Variants in CEBPA observed in about 807,000 individuals in gnomAD.
The protein encoded by CEBPA is CCAAT/enhancer-binding protein alpha.
A neutral mutation model predicts 5.1 loss-of-function variants in CEBPA; 2 were observed. The observed-to-expected ratio is 0.39, with a 90% CI of 0.16 to 1.23. CEBPA has a LOEUF of 1.23. Among genes scored for constraint, CEBPA ranks in the 50% most tolerant of loss-of-function variants. The probability of loss-of-function intolerance (pLI) is 0.34; values close to 1 mark genes in which losing one functional copy is unlikely to be tolerated. For synonymous variants in CEBPA, 275 were observed against 264.1 expected (o/e 1.04, Z -0.40); for missense variants, 455 against 537.4 (o/e 0.85, Z 1.52).
rs1967168836 is a variant in CEBPA at position 33,301,630 on chromosome 19, T to A, written c.785A>T (p.Asp262Val). ...GCCGCTGCCGCCACTCGCGCGGAGGTCGGGGTGCGCGGCGCCCAGCCCCTT... is the reference window on the plus strand; with the variant it reads ...GCCGCTGCCGCCACTCGCGCGGAGGACGGGGTGCGCGGCGCCCAGCCCCTT... ...ALKGLGAAHP[D>V]LRASGGSGAG... Residue 262 changes from aspartate to valine, a missense_variant, in exon 1 of 1, where the codon GAC becomes GTC. Transcript: ENST00000498907. The surrounding 1 kb of genome is among the most constrained non-coding windows in gnomAD (Gnocchi z 6.0). 1 of 1,573,510 alleles carries A rather than the reference T, an allele frequency of 6.4e-7. No individual in the cohort carries two copies. The highest frequency in any genetic ancestry group is 1.1e-5 in the South Asian group (1 of 88,118).
Position 33,300,403 on chromosome 19 carries a change from A to G in CEBPA, c.*935T>C, listed in dbSNP as rs959922601. 4 of 233,398 alleles carry G rather than the reference A, an allele frequency of 1.7e-5. No individual in the cohort carries two copies. The highest frequency in any genetic ancestry group is 3.4e-5 in the Non-Finnish European group (4 of 117,976). 14.5% of individuals were successfully genotyped at this position (233,398 alleles called of 1,614,324 possible). A position where few individuals can be genotyped will look rare whatever the true frequency, so the allele number is the denominator to read the frequency against. On this transcript the variant is annotated 3_prime_UTR_variant, in exon 1 of 1. Coordinates refer to ENST00000498907, the MANE Select transcript of CEBPA (RefSeq NM_004364.5). The stretch of plus-strand genomic sequence containing the variant: ...TACAAGTGTTGATATCGGCTGATAA[A>G]GCAAAATATTTGGAAAGCTTGTCAT...
rs1600024079 is a variant in CEBPA at position 33,302,257 on chromosome 19, C to A, written c.158G>T (p.Gly53Val). 6.7e-7 allele frequency: 1 copy of A among 1,487,532 alleles called. No individual in the cohort carries two copies. The highest frequency in any genetic ancestry group is 9.0e-7 in the Non-Finnish European group (1 of 1,115,178). The allele number at this position is 1,487,532 out of a possible 1,614,324, so 92.1% of individuals were successfully genotyped here. The stretch of plus-strand genomic sequence containing the variant: ...GGACGTCTCGTGCTCGCAGATGCCG[C>A]CCAGCGGCTCCGGGGCGGCAGGTGG... ...PAPPAAPEPL[G>V]GICEHETSID... The change falls in exon 1 of 1, where the codon GGC (glycine) becomes GTC (valine). Residue 53 changes from glycine to valine, a missense_variant. Physicochemically the swap from Gly to Val is moderately radical, Grantham distance 109. Around this residue, in one of 5 missense-constraint regions of CEBPA, gnomAD observed 143 missense variants for 153.9 expected, o/e 0.93. Transcript: ENST00000498907.
In CEBPA at chr19:33,302,019, G is replaced by A. The variant is rs1060504475; in HGVS notation, c.396C>T (p.Gly132=). The A allele has an allele frequency of 2.1e-4, 244 of 1,180,774 alleles. No homozygotes were observed. The highest frequency in any genetic ancestry group is 2.5e-4 in the Non-Finnish European group (239 of 953,704). The allele number at this position is 1,180,774 out of a possible 1,614,324, so 73.1% of individuals were successfully genotyped here. The stretch of plus-strand genomic sequence containing the variant: ...CGTCCAGGTAGCCGGCGGCCGCGCA[G>A]CCGTAGCCGGGCGGGGGCCCGTGCG... ...GGAHGPPPGY[G]CAAAGYLDGR... Residue 132 remains glycine (G), a synonymous_variant, in exon 1 of 1, where the codon GGC becomes GGT. Transcript: ENST00000498907.
Position 33,302,488 on chromosome 19 carries a change from C to T in CEBPA, c.-74G>A, listed in dbSNP as rs936796797. 3.0e-6 allele frequency: 3 copies of T among 1,007,282 alleles called. No individual in the cohort carries two copies. Among genetic ancestry groups the T allele is most frequent in the Non-Finnish European group, 3.8e-6 (3 of 783,306 alleles). 62.4% of individuals were successfully genotyped at this position (1,007,282 alleles called of 1,614,324 possible). A position where few individuals can be genotyped will look rare whatever the true frequency, so the allele number is the denominator to read the frequency against. ...CTGCGCGGGGCGTCGCCGCCGCCCA[C>T]CCGGAGACCCTGCTCGCCCGCGCCC... On this transcript the variant is annotated 5_prime_UTR_variant, in exon 1 of 1. It adds an upstream start codon to the 5' untranslated region. Transcript: ENST00000498907.
At position 33,302,308 on chromosome 19, in the gene CEBPA, C is replaced by A. The variant is rs746522150; in HGVS notation, c.107G>T (p.Gly36Val). ...GGCGGGAGGCTGCGCGGGGCCCGCG[C>A]CCCGGGGAAAGCCGAAGGCGGCGCT... ...PSSAAFGFPR[G>V]AGPAQPPAPP... The change falls in exon 1 of 1, where the codon GGC becomes GTC. Residue 36 changes from glycine (G) to valine (V), a missense_variant. Physicochemically the swap from Gly to Val is moderately radical, Grantham distance 109. This residue lies in a region of CEBPA where 143 missense variants were observed against 153.9 expected (regional missense o/e 0.93). Coordinates refer to ENST00000498907, the MANE Select transcript of CEBPA (RefSeq NM_004364.5). 2 of 1,444,246 alleles carry A rather than the reference C, an allele frequency of 1.4e-6. No individual in the cohort carries two copies. Among genetic ancestry groups the A allele is most frequent in the Non-Finnish European group, 9.1e-7 (1 of 1,093,604 alleles). 89.5% of individuals were successfully genotyped at this position (1,444,246 alleles called of 1,614,324 possible).
rs746430067 is a variant in CEBPA at position 33,301,848 on chromosome 19, GGGCGGCGGC to G, written c.558_566del (p.Pro187_Pro189del). On this transcript the variant is annotated inframe_deletion, in exon 1 of 1. Coordinates refer to ENST00000498907, the MANE Select transcript of CEBPA (RefSeq NM_004364.5). This position sits in a 1 kb window ranked among gnomAD's most constrained non-coding sequence, Gnocchi z 6.0. ...GCGGCGGGTGCGGGTGCGGGTGCGAGGGCGGCGGCGGCGGCGGCGGCTGGTAAGGGAAGA... is the reference window on the plus strand; with the variant it reads ...GCGGCGGGTGCGGGTGCGGGTGCGAGGGCGGCGGCGGCTGGTAAGGGAAGA... The G allele has an allele frequency of 1.5e-4, 192 of 1,310,710 alleles. 2 individuals are homozygous for G. Among genetic ancestry groups the G allele is most frequent in the South Asian group, 3.2e-4 (17 of 52,948 alleles). 81.2% of individuals were successfully genotyped at this position (1,310,710 alleles called of 1,614,324 possible). A position where few individuals can be genotyped will look rare whatever the true frequency, so the allele number is the denominator to read the frequency against.
In CEBPA at chr19:33,301,497, G is replaced by T. The variant is rs773844593; in HGVS notation, c.918C>A (p.Arg306=). 44 of 1,613,642 alleles carry T rather than the reference G, an allele frequency of 2.7e-5. No individual in the cohort carries two copies. In the South Asian group the frequency reaches 3.4e-4, roughly 12 times the overall value. Residue 306 remains arginine, a synonymous_variant, in exon 1 of 1, where the codon CGC becomes CGA. Transcript: ENST00000498907. The surrounding 1 kb of genome is among the most constrained non-coding windows in gnomAD (Gnocchi z 6.0). ...GCACCTTCTGCTGCGTCTCCACGTT[G>T]CGCTGCTTGGCCTTGTCGCGGCTCT... ...VRKSRDKAKQ[R]NVETQQKVLE...
rs1471099163 is a variant in CEBPA at position 33,302,435 on chromosome 19, G to C, written c.-21C>G. 1.6e-6 allele frequency: 2 copies of C among 1,248,916 alleles called. No homozygotes were observed. The highest frequency in any genetic ancestry group is 1.0e-6 in the Non-Finnish European group (1 of 993,606). 77.4% of individuals were successfully genotyped at this position (1,248,916 alleles called of 1,614,324 possible). A position where few individuals can be genotyped will look rare whatever the true frequency, so the allele number is the denominator to read the frequency against. ...TCCATGGGGGAGTTAGAGTTCTCCC[G>C]GCATGGCGAGCCTCGGCGGCCTCCA... On this transcript the variant is annotated 5_prime_UTR_variant, in exon 1 of 1. Transcript: ENST00000498907.
Position 33,301,113 on chromosome 19 carries a change from C to T in CEBPA, c.*225G>A. The T allele has an allele frequency of 1.4e-6, 1 of 697,462 alleles. No individual in the cohort carries two copies. The highest frequency in any genetic ancestry group is 2.3e-6 in the Non-Finnish European group (1 of 428,752). 43.2% of individuals were successfully genotyped at this position (697,462 alleles called of 1,614,324 possible). On this transcript the variant is annotated 3_prime_UTR_variant, in exon 1 of 1. Coordinates refer to ENST00000498907, the MANE Select transcript of CEBPA (RefSeq NM_004364.5). This position sits in a 1 kb window ranked among gnomAD's most constrained non-coding sequence, Gnocchi z 6.0. ...CCAGCTCAGCCCCAAGAATTCTCCC[C>T]TCCTCGCAGGGAGAAGCCACCGCCT...
Position 33,301,855 on chromosome 19 carries a change from G to A in CEBPA, c.560C>T (p.Pro187Leu). Residue 187 changes from proline (P) to leucine (L), a missense_variant, in exon 1 of 1, where the codon CCG (proline) becomes CTG (leucine). By Grantham distance (98) the Pro-to-Leu change is moderately conservative (BLOSUM62 -3). Around this residue, in one of 5 missense-constraint regions of CEBPA, gnomAD observed 141 missense variants for 124.1 expected, o/e 1.14. Transcript: ENST00000498907. This position sits in a 1 kb window ranked among gnomAD's most constrained non-coding sequence, Gnocchi z 6.0. ...GLFPYQPPPP[P>L]PPSHPHPHPP... ...GTGCGGGTGCGGGTGCGAGGGCGGCGGCGGCGGCGGCGGCTGGTAAGGGAA... is the reference window on the plus strand; with the variant it reads ...GTGCGGGTGCGGGTGCGAGGGCGGCAGCGGCGGCGGCGGCTGGTAAGGGAA... The A allele has an allele frequency of 7.6e-7, 1 of 1,318,532 alleles. No individual in the cohort carries two copies. 81.7% of individuals were successfully genotyped at this position (1,318,532 alleles called of 1,614,324 possible).
chr19:33,301,331 G>T lies in CEBPA; in HGVS notation c.*7C>A, dbSNP rs868847139. On this transcript the variant is annotated 3_prime_UTR_variant, in exon 1 of 1. Coordinates refer to ENST00000498907, the MANE Select transcript of CEBPA (RefSeq NM_004364.5). The surrounding 1 kb of genome is among the most constrained non-coding windows in gnomAD (Gnocchi z 6.0). ...GCTGGCCCAGGGCGGTCCCACAGCCGCGCGCCTCACGCGCAGTTGCCCATG... is the reference window on the plus strand; with the variant it reads ...GCTGGCCCAGGGCGGTCCCACAGCCTCGCGCCTCACGCGCAGTTGCCCATG... 19 of 1,586,134 alleles carry T rather than the reference G, an allele frequency of 1.2e-5. No individual in the cohort carries two copies. In the Middle Eastern group the frequency reaches 8.3e-4, roughly 69 times the overall value.
At position 33,301,919 on chromosome 19, in the gene CEBPA, C is replaced by T. The variant is rs755311871; in HGVS notation, c.496G>A (p.Glu166Lys). 1.2e-5 allele frequency: 15 copies of T among 1,223,186 alleles called. No homozygotes were observed. The highest frequency in any genetic ancestry group is 1.5e-5 in the Non-Finnish European group (15 of 972,098). 75.8% of individuals were successfully genotyped at this position (1,223,186 alleles called of 1,614,324 possible). A position where few individuals can be genotyped will look rare whatever the true frequency, so the allele number is the denominator to read the frequency against. The change falls in exon 1 of 1, where the codon GAG (glutamate) becomes AAG (lysine). Residue 166 changes from glutamate (E) to lysine (K), a missense_variant. Coordinates refer to ENST00000498907, the MANE Select transcript of CEBPA (RefSeq NM_004364.5). The surrounding 1 kb of genome is among the most constrained non-coding windows in gnomAD (Gnocchi z 6.0). ...RPLVIKQEPR[E>K]EDEAKQLALA... ...GCCAGCTGCTTGGCTTCATCCTCCT[C>T]GCGGGGCTCCTGCTTGATCACCAGC...
Position 33,299,953 on chromosome 19 carries a change from A to G in CEBPA, c.*1385T>C, listed in dbSNP as rs1967112964. 8.6e-6 allele frequency: 2 copies of G among 232,744 alleles called. No homozygotes were observed. Among genetic ancestry groups the G allele is most frequent in the Non-Finnish European group, 1.7e-5 (2 of 117,628 alleles). 14.4% of individuals were successfully genotyped at this position (232,744 alleles called of 1,614,324 possible). ...CCGACATTGACTTTGATATGTTTAT[A>G]TTATAGATATAATACATAAAACATC... On this transcript the variant is annotated 3_prime_UTR_variant, in exon 1 of 1. Coordinates refer to ENST00000498907, the MANE Select transcript of CEBPA (RefSeq NM_004364.5).
In CEBPA at chr19:33,301,679, G is replaced by A; in HGVS notation, c.736C>T (p.Leu246=). The A allele has an allele frequency of 1.6e-6, 2 of 1,256,130 alleles. No homozygotes were observed. Among genetic ancestry groups the A allele is most frequent in the Non-Finnish European group, 2.0e-6 (2 of 1,003,300 alleles). 77.8% of individuals were successfully genotyped at this position (1,256,130 alleles called of 1,614,324 possible). A position where few individuals can be genotyped will look rare whatever the true frequency, so the allele number is the denominator to read the frequency against. The change falls in exon 1 of 1, where the codon CTG becomes TTG. Residue 246 remains leucine, a synonymous_variant. Coordinates refer to ENST00000498907, the MANE Select transcript of CEBPA (RefSeq NM_004364.5). This position sits in a 1 kb window ranked among gnomAD's most constrained non-coding sequence, Gnocchi z 6.0. ...HPAPALGAAG[L]PGPGSALKGL... Reference sequence around the variant, plus strand: ...TTGAGCGCGCTGCCAGGGCCCGGCAGGCCGGCGGCACCGAGCGCGGGCGCG... The same window carrying A: ...TTGAGCGCGCTGCCAGGGCCCGGCAAGCCGGCGGCACCGAGCGCGGGCGCG...
chr19:33,301,514 C>T lies in CEBPA; in HGVS notation c.901G>A (p.Asp301Asn), dbSNP rs1967163668. 6.2e-7 allele frequency: 1 copy of T among 1,613,576 alleles called. No individual in the cohort carries two copies. The highest frequency in any genetic ancestry group is 1.7e-5 in the Admixed American group (1 of 60,010). ...RNNIAVRKSR[D>N]KAKQRNVETQ... is the part of the protein sequence containing the mutation. ...TCCACGTTGCGCTGCTTGGCCTTGT[C>T]GCGGCTCTTGCGCACCGCGATGTTG... Residue 301 changes from aspartate (D) to asparagine (N), a missense_variant, in exon 1 of 1, where the codon GAC becomes AAC. Physicochemically the swap from Asp to Asn is conservative, Grantham distance 23. This residue lies in a region of CEBPA where 118 missense variants were observed against 189.3 expected (regional missense o/e 0.62). Coordinates refer to ENST00000498907, the MANE Select transcript of CEBPA (RefSeq NM_004364.5). This position sits in a 1 kb window ranked among gnomAD's most constrained non-coding sequence, Gnocchi z 6.0.
Position 33,301,695 on chromosome 19 carries a change from C to G in CEBPA, c.720G>C (p.Ala240=). Residue 240 remains alanine, a synonymous_variant, in exon 1 of 1, where the codon GCG becomes GCC. Transcript: ENST00000498907. The surrounding 1 kb of genome is among the most constrained non-coding windows in gnomAD (Gnocchi z 6.0). The part of the protein sequence containing the change: ...TPVPSPHPAP[A]LGAAGLPGPG... ...GGCCCGGCAGGCCGGCGGCACCGAGCGCGGGCGCGGGGTGCGGGCTGGGCA... is the reference window on the plus strand; with the variant it reads ...GGCCCGGCAGGCCGGCGGCACCGAGGGCGGGCGCGGGGTGCGGGCTGGGCA... 1 of 1,160,232 alleles carries G rather than the reference C, an allele frequency of 8.6e-7. No individual in the cohort carries two copies. Among genetic ancestry groups the G allele is most frequent in the Non-Finnish European group, 1.1e-6 (1 of 945,542 alleles). 71.9% of individuals were successfully genotyped at this position (1,160,232 alleles called of 1,614,324 possible).
chr19:33,301,280 A>C lies in CEBPA; in HGVS notation c.*58T>G. ...CAAGCCTCGAGATCCGGCGACCCCA[A>C]ACCACTCCCTGGGTCCCCGCCGGAG... On this transcript the variant is annotated 3_prime_UTR_variant, in exon 1 of 1. Coordinates refer to ENST00000498907, the MANE Select transcript of CEBPA (RefSeq NM_004364.5). The surrounding 1 kb of genome is among the most constrained non-coding windows in gnomAD (Gnocchi z 6.0). 6.6e-7 allele frequency: 1 copy of C among 1,521,336 alleles called. No individual in the cohort carries two copies. Among genetic ancestry groups the C allele is most frequent in the Non-Finnish European group, 8.8e-7 (1 of 1,138,028 alleles). The allele number at this position is 1,521,336 out of a possible 1,614,324, so 94.2% of individuals were successfully genotyped here. A position where few individuals can be genotyped will look rare whatever the true frequency, so the allele number is the denominator to read the frequency against.
chr19:33,301,853 GCGGC>G lies in CEBPA; in HGVS notation c.558_561del (p.Pro187ArgfsTer130), dbSNP rs1427211628. 7 of 1,307,340 alleles carry G rather than the reference GCGGC, an allele frequency of 5.4e-6. No homozygotes were observed. Among genetic ancestry groups the G allele is most frequent in the East Asian group, 3.6e-5 (1 of 27,940 alleles). The allele number at this position is 1,307,340 out of a possible 1,614,324, so 81.0% of individuals were successfully genotyped here. ...GGGTGCGGGTGCGGGTGCGAGGGCG[GCGGC>G]GGCGGCGGCGGCTGGTAAGGGAAGA... On this transcript the variant is annotated frameshift_variant, in exon 1 of 1. Transcript: ENST00000498907. LOFTEE classifies it low-confidence loss of function (END_TRUNC). The surrounding 1 kb of genome is among the most constrained non-coding windows in gnomAD (Gnocchi z 6.0).
In CEBPA at chr19:33,301,870, T is replaced by C; in HGVS notation, c.545A>G (p.Gln182Arg). The part of the protein sequence containing the change: ...QLALAGLFPY[Q>R]PPPPPPPSHP... ...CGAGGGCGGCGGCGGCGGCGGCGGC[T>C]GGTAAGGGAAGAGGCCGGCCAGCGC... Residue 182 changes from glutamine (Q) to arginine (R), a missense_variant, in exon 1 of 1, where the codon CAG becomes CGG. Physicochemically the swap from Gln to Arg is conservative, Grantham distance 43 (BLOSUM62 1). Transcript: ENST00000498907. This position sits in a 1 kb window ranked among gnomAD's most constrained non-coding sequence, Gnocchi z 6.0. 1 of 1,273,668 alleles carries C rather than the reference T, an allele frequency of 7.9e-7. No individual in the cohort carries two copies. The highest frequency in any genetic ancestry group is 1.0e-6 in the Non-Finnish European group (1 of 1,001,516). The allele number at this position is 1,273,668 out of a possible 1,614,324, so 78.9% of individuals were successfully genotyped here. A position where few individuals can be genotyped will look rare whatever the true frequency, so the allele number is the denominator to read the frequency against.
Sources: allele counts gnomAD v4.1 joint callset, GRCh38; gene constraint gnomAD v4.1.1; regional missense constraint gnomAD v4.1.1; non-coding constraint Gnocchi (gnomAD v3.1); transcripts MANE v1.5; gene names NCBI Gene and HGNC (gene_info 2026-07-23, HGNC 2026-07-21).